The following JADE1 variants were observed in gnomAD, a reference collection of about 807,000 sequenced individuals.
The protein encoded by JADE1 is jade family PHD finger 1.
JADE1 carries 14 observed loss-of-function variants against 81.8 expected under a neutral mutation model. The ratio of observed to expected loss-of-function variants is 0.17; its 90% CI spans 0.11 to 0.27. The LOEUF (loss-of-function observed/expected upper bound fraction) is 0.27, where lower values mean the gene tolerates loss of function less well. Among genes scored for constraint, JADE1 ranks in the 10% least tolerant of loss-of-function variants. The pLI, the probability that JADE1 is intolerant of heterozygous loss-of-function variation, is 1.00. For missense variants in JADE1, 690 were observed against 1,047.9 expected (o/e 0.66, Z 4.71); for synonymous variants, 353 against 391.9 (o/e 0.90, Z 1.17).
chr4:128,847,263 C>T (rs763456615), intron 4 of JADE1, among the ~76,000 whole-genome samples: 31 of 152,350 alleles, frequency 2.0e-4, no homozygotes, highest in Middle Eastern at 6.8e-3. Flanking sequence ...CTGGCTTCTC[C>T]GCCATCATCA....
At chr4:128,820,118 CT>C (rs869238548) in intron 1 of JADE1, among the ~76,000 whole-genome samples, 8 of 48,450 alleles carry the variant, frequency 1.7e-4, no homozygotes, top group Admixed American at 2.7e-4. Context: ...GGGAAGATTT[CT>C]TTTTTTTTTT....
At chr4:128,811,238 TC>T (rs1012203288) in intron 1 of JADE1, 1 of 152,022 alleles carries the variant, frequency 6.6e-6, no homozygotes, top group Non-Finnish European at 1.5e-5. Flanking sequence ...TCCTTCCCGC[TC>T]CCCCCCGCCC....
intron 1 of JADE1, among the ~76,000 whole-genome samples, chr4:128,820,535 AC>A: frequency 6.6e-6 from 1 of 152,310 alleles, no homozygotes; most frequent in East Asian, 1.9e-4. Context: ...TAGGTTTGAG[AC>A]CAACTTAGGT....
In JADE1 at chr4:128,846,495, C is replaced by A; in HGVS notation, c.259C>A (p.Pro87Thr). Residue 87 changes from proline to threonine, a missense_variant, in exon 4 of 11, where the codon CCT becomes ACT. Transcript: ENST00000226319. This position sits in a 1 kb window ranked among gnomAD's most constrained non-coding sequence, Gnocchi z 4.0. ...GGAATGGGAGAAAGGGGTCCAGGTG[C>A]CTGTGAGCCCGGGGACCATCCCTCA... ...RQEWEKGVQV[P>T]VSPGTIPQPV... 6.2e-7 allele frequency: 1 copy of A among 1,614,178 alleles called. No individual in the cohort carries two copies. The highest frequency in any genetic ancestry group is 8.5e-7 in the Non-Finnish European group (1 of 1,180,032).
chr4:128,870,910 G>T (rs1288609500), intron 10 of JADE1, among the ~76,000 whole-genome samples: 1 of 152,116 alleles, frequency 6.6e-6, no homozygotes, highest in Admixed American at 6.5e-5. Context: ...AAACTTACAA[G>T]CCCCGAGCCC....
rs1402009119 is a variant in JADE1 at position 128,849,019 on chromosome 4, C to G, written c.336C>G (p.Pro112=). Residue 112 remains proline, a synonymous_variant, in exon 5 of 11, where the codon CCC becomes CCG. Transcript: ENST00000226319. ...SEEKSLMFIR[P]KKYIVSSGSE... is the part of the protein sequence containing the mutation. Reference sequence around the variant, plus strand: ...AGAAATCCCTCATGTTCATCAGGCCCAAGAAGTACATCGTGTCATCAGGCT... The same window carrying G: ...AGAAATCCCTCATGTTCATCAGGCCGAAGAAGTACATCGTGTCATCAGGCT... 6.2e-7 allele frequency: 1 copy of G among 1,614,064 alleles called. No individual in the cohort carries two copies. The highest frequency in any genetic ancestry group is 1.1e-5 in the South Asian group (1 of 91,062).
At chr4:128,844,372 G>C (rs1729694231) in intron 3 of JADE1, among the ~76,000 whole-genome samples, 1 of 152,154 alleles carries the variant, frequency 6.6e-6, no homozygotes, top group Admixed American at 6.5e-5. Flanking sequence ...TCTCAACCCT[G>C]AGTCCAAACT....
intron 2 of JADE1, among the ~76,000 whole-genome samples, chr4:128,837,390 G>A (rs1351487190): frequency 1.3e-5 from 2 of 152,174 alleles, no homozygotes; most frequent in African/African-American, 4.8e-5. Flanking sequence ...TAAGTATGTT[G>A]AAACATTTCT....
At chr4:128,852,563 CT>C (rs200157569) in intron 6 of JADE1, among the ~76,000 whole-genome samples, 3,335 of 152,312 alleles carry the variant, frequency 0.022, 101 homozygotes, top group African/African-American at 0.072. Flanking sequence ...TATGAGCCCC[CT>C]CTGTCCTACT....
intron 4 of JADE1, among the ~76,000 whole-genome samples, chr4:128,847,010 C>CAGTT (rs1243774811): frequency 6.6e-6 from 1 of 152,174 alleles, no homozygotes; most frequent in Non-Finnish European, 1.5e-5. Context: ...GGAGACCTGT[C>CAGTT]AGTTAGGGTT....
intron 1 of JADE1, among the ~76,000 whole-genome samples, chr4:128,824,185 G>A (rs554125253): frequency 7.2e-5 from 11 of 152,222 alleles, no homozygotes; most frequent in South Asian, 2.1e-4. Context: ...TTGGGAGGCC[G>A]AGGCGGGCGG....
At chr4:128,824,095 TA>T (rs1727821984) in intron 1 of JADE1, among the ~76,000 whole-genome samples, 1 of 152,138 alleles carries the variant, frequency 6.6e-6, no homozygotes, top group Admixed American at 6.6e-5. Flanking sequence ...ACCTAGTGTT[TA>T]AAAAATAATT....
chr4:128,856,593 T>C (rs751422760), intron 7 of JADE1, among the ~76,000 whole-genome samples: 1 of 152,250 alleles, frequency 6.6e-6, no homozygotes, highest in Non-Finnish European at 1.5e-5. Context: ...CCTCAACCTT[T>C]TTAATTTCAG....
At chr4:128,827,223 A>G (rs1728157379) in intron 1 of JADE1, among the ~76,000 whole-genome samples, 1 of 152,150 alleles carries the variant, frequency 6.6e-6, no homozygotes, top group Non-Finnish European at 1.5e-5. Flanking sequence ...CTTGAGTAAA[A>G]TCTGCTTTAC....
In JADE1 at chr4:128,874,237, CTTTTGA is replaced by C. The variant is rs1732408112; in HGVS notation, c.*1978_*1983del. 6.6e-6 allele frequency: 1 copy of C among 152,490 alleles called. No individual in the cohort carries two copies. The highest frequency in any genetic ancestry group is 1.5e-5 in the Non-Finnish European group (1 of 68,018). The allele number at this position is 152,490 out of a possible 1,614,324, so 9.4% of individuals were successfully genotyped here. On this transcript the variant is annotated 3_prime_UTR_variant, in exon 11 of 11. Coordinates refer to ENST00000226319, the MANE Select transcript of JADE1 (RefSeq NM_199320.4). ...AAGGTTGGACTTTATCTACAGTTAT[CTTTTGA>C]TTACAGCAACAGCTCTGGGTGAGAG... is the stretch of plus-strand genomic sequence containing the variant.
intron 8 of JADE1, among the ~76,000 whole-genome samples, chr4:128,860,305 G>T (rs1459707573): frequency 6.6e-6 from 1 of 152,162 alleles, no homozygotes; most frequent in African/African-American, 2.4e-5. Flanking sequence ...CTCTGTGGTT[G>T]AAGTGTTTGT....
chr4:128,858,496 G>A (rs572043059), intron 8 of JADE1, among the ~76,000 whole-genome samples: 17 of 152,106 alleles, frequency 1.1e-4, no homozygotes, highest in African/African-American at 3.9e-4. Context: ...CATAAGCTCC[G>A]AGAGCATGGT....
intron 1 of JADE1, among the ~76,000 whole-genome samples, chr4:128,810,982 T>G (rs1296255575): frequency 6.6e-6 from 1 of 152,210 alleles, no homozygotes; most frequent in Non-Finnish European, 1.5e-5. Flanking sequence ...GTCTCCTTGC[T>G]TCCTTAAATG....
intron 1 of JADE1, among the ~76,000 whole-genome samples, chr4:128,813,566 G>A (rs1444585531): frequency 1.3e-5 from 2 of 151,856 alleles, no homozygotes; most frequent in Non-Finnish European, 2.9e-5. Flanking sequence ...CTACAGGCGC[G>A]TGCCACCACG....
Sources: gnomAD v4.1 joint callset for allele counts (sites outside exome capture counted in the v4.1 genomes callset) on GRCh38, gnomAD v4.1.1 for gene constraint, Gnocchi (gnomAD v3.1) non-coding constraint, MANE v1.5 for transcripts, NCBI Gene and HGNC (gene_info 2026-07-23, HGNC 2026-07-21) for gene names.